Variants in COX6B2 observed in about 807,000 individuals in gnomAD.
The protein encoded by COX6B2 is COX VIb-2.
In COX6B2, 12 loss-of-function variants were observed where a neutral mutation model predicts 13.7. The ratio of observed to expected loss-of-function variants is 0.87; its 90% CI spans 0.56 to 1.41. COX6B2 has a LOEUF of 1.41. Ranked by LOEUF, COX6B2 falls within the 40% of genes most tolerant of loss-of-function variation. The pLI, the probability that COX6B2 is intolerant of heterozygous loss-of-function variation, is 0.00. For synonymous variants in COX6B2, 56 were observed against 46.6 expected, an observed-to-expected ratio of 1.20 and a Z score of -0.82; for missense variants, 130 against 118.3, an observed-to-expected ratio of 1.10 and a Z score of -0.46.
At position 55,354,402 on chromosome 19, in the gene COX6B2, G is replaced by C; in HGVS notation, c.112+8C>G. 6.2e-7 allele frequency: 1 copy of C among 1,600,728 alleles called. No individual in the cohort carries two copies. Among genetic ancestry groups the C allele is most frequent in the Non-Finnish European group, 8.5e-7 (1 of 1,170,032 alleles). On this transcript the variant is annotated splice_region_variant and intron_variant, in intron 2 of 4. Transcript: ENST00000326529. Reference sequence around the variant, plus strand: ...GCTCCTCCCATAACCTGGCTGAGCAGGTCTCACCCAGGAAGTTCTGGTAGC... The same window carrying C: ...GCTCCTCCCATAACCTGGCTGAGCACGTCTCACCCAGGAAGTTCTGGTAGC...
In COX6B2 at chr19:55,354,518, A is replaced by G. The variant is rs749286114; in HGVS notation, c.4T>C (p.Leu2=). 6.2e-7 allele frequency: 1 copy of G among 1,608,914 alleles called. No individual in the cohort carries two copies. The highest frequency in any genetic ancestry group is 1.3e-5 in the African/African-American group (1 of 74,798). The change falls in exon 2 of 5, where the codon TTG becomes CTG. Residue 2 remains leucine, a synonymous_variant. Transcript: ENST00000326529. M[L]DVEAQEPPKG... ...GGGGGCTCCTGGGCTTCCACATCCAACATCCACGAAGGAGGCAACTCCTGC... is the reference window on the plus strand; with the variant it reads ...GGGGGCTCCTGGGCTTCCACATCCAGCATCCACGAAGGAGGCAACTCCTGC...
rs368951071 is a variant in COX6B2 at position 55,354,644 on chromosome 19, C to T, written c.-19+6G>A. The T allele has an allele frequency of 3.2e-4, 214 of 677,356 alleles. No homozygotes were observed. In the African/African-American group the frequency reaches 3.2e-3, roughly 10 times the overall value. 42.0% of individuals were successfully genotyped at this position (677,356 alleles called of 1,614,324 possible). On this transcript the variant is annotated splice_donor_region_variant and intron_variant, in intron 1 of 4. Coordinates refer to ENST00000326529, the MANE Select transcript of COX6B2 (RefSeq NM_144613.5). ...CGCCCCTGAACCCCACCCGTCGTGC[C>T]CTCACCAGCCTGACGTTGGCGGCCA...
In COX6B2 at chr19:55,349,960, T is replaced by G. The variant is rs574837115; in HGVS notation, c.*955A>C. The G allele has an allele frequency of 6.6e-6, 1 of 151,948 alleles. No individual in the cohort carries two copies. Among genetic ancestry groups the G allele is most frequent in the Non-Finnish European group, 1.5e-5 (1 of 68,020 alleles). The allele number at this position is 151,948 out of a possible 1,614,324, so 9.4% of individuals were successfully genotyped here. On this transcript the variant is annotated 3_prime_UTR_variant, in exon 5 of 5. Transcript: ENST00000326529. ...CTGACCAACACGGAGAAACCCCGTC[T>G]CTACTAAAAATACAAAATAAGCTGG...
At chr19:55,351,494 G>A (rs10417356) in intron 4 of COX6B2, among the ~76,000 whole-genome samples, 2,640 of 152,294 alleles carry the variant, frequency 0.017, 59 homozygotes, top group African/African-American at 0.059. Context: ...TCTGGAGGCC[G>A]GGAGGACGGA....
Position 55,350,992 on chromosome 19 carries a change from C to T in COX6B2, c.*115-192G>A, listed in dbSNP as rs968566942. Among the ~76,000 whole-genome samples the T allele has an allele frequency of 2.6e-5, 4 of 152,220 alleles. No individual in the cohort carries two copies. The highest frequency in any genetic ancestry group is 9.6e-5 in the African/African-American group (4 of 41,458). The stretch of plus-strand genomic sequence containing the variant: ...TATGCTGCAAGCTAGTAACCAGATG[C>T]CTCCAAGAGCTCCAGGACTGGTTTA... On this transcript the variant is annotated intron_variant, in intron 4 of 4. Transcript: ENST00000326529. This position sits in a 1 kb window ranked among gnomAD's most constrained non-coding sequence, Gnocchi z 4.2.
rs2089684715 is a variant in COX6B2, at chr19:55,353,616, T to C, written c.*105A>G. 2.9e-6 allele frequency: 3 copies of C among 1,032,634 alleles called. No individual in the cohort carries two copies. The highest frequency in any genetic ancestry group is 2.1e-4 in the Middle Eastern group (1 of 4,862). 64.0% of individuals were successfully genotyped at this position (1,032,634 alleles called of 1,614,324 possible). On this transcript the variant is annotated 3_prime_UTR_variant, in exon 4 of 5. Coordinates refer to ENST00000326529, the MANE Select transcript of COX6B2 (RefSeq NM_144613.5). ...ATCAGCAACAGCATACCATTATTCG[T>C]GGCTTAGACACTGGGAGGTAGGGGT...
intron 4 of COX6B2, chr19:55,351,650 G>C (rs758720513): frequency 6.5e-6 from 1 of 152,714 alleles, no homozygotes; most frequent in South Asian, 2.1e-4. Flanking sequence ...GGATGCAGGT[G>C]TTCTGGGTGG....
intron 2 of COX6B2, 103 bp downstream of exon 2, chr19:55,354,307 C>T (rs1463418340): frequency 9.2e-7 from 1 of 1,087,868 alleles, no homozygotes; most frequent in Non-Finnish European, 1.4e-6. Context: ...CCCGCCCGGC[C>T]TCCCACCCTA....
At chr19:55,351,724 C>A in intron 4 of COX6B2, 1 of 152,400 alleles carries the variant, frequency 6.6e-6, no homozygotes, top group Non-Finnish European at 1.5e-5. Flanking sequence ...GACTGTGAGG[C>A]TGGCATTAGG....
chr19:55,354,007 C>G (rs1463622645), intron 2 of COX6B2, 41 bp from the exon 3 acceptor site: 3 of 1,471,816 alleles, frequency 2.0e-6, no homozygotes, highest in Middle Eastern at 2.4e-4. Flanking sequence ...ACGCCCATTC[C>G]AGGACAGGAC....
chr19:55,353,192 C>G (rs532722574), intron 4 of COX6B2: 9 of 185,922 alleles, frequency 4.8e-5, no homozygotes. Flanking sequence ...CCCTCAGGAC[C>G]CGAGATGGGA....
chr19:55,351,314 G>A (rs1333270838), intron 4 of COX6B2, among the ~76,000 whole-genome samples: 1 of 152,220 alleles, frequency 6.6e-6, no homozygotes, highest in Non-Finnish European at 1.5e-5. Context: ...CAGGCCACAT[G>A]GTTAGTAGCT....
chr19:55,353,897 C>T lies in COX6B2; in HGVS notation c.182G>A (p.Arg61His), dbSNP rs760175987. The stretch of plus-strand genomic sequence containing the variant: ...GATGGGGCACAGCGAGTGGTACACG[C>T]GGAAATAGTACTCGCAGGGCTGCGT... The part of the protein sequence containing the change: ...KSTQPCEYYF[R>H]VYHSLCPISW... The change falls in exon 3 of 5, where the codon CGC becomes CAC. Residue 61 changes from arginine (R) to histidine (H), a missense_variant. Physicochemically the swap from Arg to His is conservative, Grantham distance 29. Transcript: ENST00000326529. 3.2e-6 allele frequency: 5 copies of T among 1,571,262 alleles called. No homozygotes were observed. The highest frequency in any genetic ancestry group is 4.3e-6 in the Non-Finnish European group (5 of 1,159,554).
intron 4 of COX6B2, chr19:55,353,391 C>T: frequency 2.3e-6 from 1 of 444,190 alleles, no homozygotes; most frequent in Non-Finnish European, 4.1e-6. Flanking sequence ...AGGCATCTAC[C>T]TGCTGGAATG....
intron 2 of COX6B2, 23 bp downstream of exon 2, chr19:55,354,371 CACCCTGCTCCTCCCAT>C (rs2089694015): frequency 6.5e-7 from 1 of 1,539,150 alleles, no homozygotes; most frequent in African/African-American, 1.4e-5. Flanking sequence ...TCCCTTGTCA[CACCCTGCTCCTCCCAT>C]AACCTGGCTG....
chr19:55,354,045 A>G (rs2089689929), intron 2 of COX6B2, 79 bp from the exon 3 acceptor site: 1 of 1,272,478 alleles, frequency 7.9e-7, no homozygotes, highest in African/African-American at 1.5e-5. Flanking sequence ...GGGCCCTCCC[A>G]GTTCTTCGCT....
At position 55,354,491 on chromosome 19, in the gene COX6B2, T is replaced by C; in HGVS notation, c.31A>G (p.Lys11Glu). 6.2e-7 allele frequency: 1 copy of C among 1,613,522 alleles called. No homozygotes were observed. The highest frequency in any genetic ancestry group is 1.1e-5 in the South Asian group (1 of 91,060). ...AAGGGCGGCGTCGACCATTTCCCCT[T>C]GGGGGGCTCCTGGGCTTCCACATCC... MLDVEAQEPP[K>E]GKWSTPPFDP... The change falls in exon 2 of 5, where the codon AAG becomes GAG. Residue 11 changes from lysine to glutamate, a missense_variant. By Grantham distance (56) the Lys-to-Glu change is moderately conservative. Transcript: ENST00000326529.
chr19:55,354,034 CGGGCCCTCCCAGTTCTTCGCT>C, intron 2 of COX6B2, 68 bp from the exon 3 acceptor site: 1 of 1,352,868 alleles, frequency 7.4e-7, no homozygotes, highest in Non-Finnish European at 1.0e-6. Flanking sequence ...CTCCACTGCT[CGGGCCCTCCCAGTTCTTCGCT>C]GCTTCGTCCC....
chr19:55,354,685 G>T lies in COX6B2; in HGVS notation c.-54C>A. The T allele has an allele frequency of 1.7e-6, 1 of 602,394 alleles. No individual in the cohort carries two copies. Among genetic ancestry groups the T allele is most frequent in the African/African-American group, 1.9e-5 (1 of 53,500 alleles). 37.3% of individuals were successfully genotyped at this position (602,394 alleles called of 1,614,324 possible). A position where few individuals can be genotyped will look rare whatever the true frequency, so the allele number is the denominator to read the frequency against. On this transcript the variant is annotated 5_prime_UTR_variant, in exon 1 of 5. Transcript: ENST00000326529. ...TTGGCGGCCACTGGATCTGCTGTGG[G>T]ATGGTCCCGGGGTGCCGCTCGCTTC...
Sources: gnomAD v4.1 joint callset for allele counts (sites outside exome capture counted in the v4.1 genomes callset) on GRCh38, gnomAD v4.1.1 for gene constraint, Gnocchi (gnomAD v3.1) non-coding constraint, MANE v1.5 for transcripts, NCBI Gene and HGNC (gene_info 2026-07-23, HGNC 2026-07-21) for gene names.